The following MCTP1 variants were observed in gnomAD, a reference collection of about 807,000 sequenced individuals.
MCTP1 encodes multiple C2 and transmembrane domain containing 1.
Under a neutral mutation model 120.6 loss-of-function variants are expected in MCTP1, and 69 were observed. That is an observed-to-expected ratio of 0.57 (90% CI 0.47 to 0.70). The LOEUF is 0.70. Ranked by LOEUF, MCTP1 falls within the 30% of genes least tolerant of loss-of-function variation. MCTP1 has a pLI of 0.00. For missense variants in MCTP1, 1,203 were observed against 1,248.8 expected, an observed-to-expected ratio of 0.96 and a Z score of 0.55; for synonymous variants, 529 against 493.1, an observed-to-expected ratio of 1.07 and a Z score of -0.96.
chr5:95,135,300 A>T (rs1759370131), intron 1 of MCTP1, among the ~76,000 whole-genome samples: 1 of 152,228 alleles, frequency 6.6e-6, no homozygotes, highest in African/African-American at 2.4e-5. Context: ...AATATACACT[A>T]TGGTGGTGAA....
intron 10 of MCTP1, among the ~76,000 whole-genome samples, chr5:94,906,055 T>C (rs1806811827): frequency 6.6e-6 from 1 of 152,190 alleles, no homozygotes; most frequent in Admixed American, 6.5e-5. Flanking sequence ...AATCCAGTAC[T>C]GCTGCTGGGT....
intron 1 of MCTP1, among the ~76,000 whole-genome samples, chr5:95,111,198 A>G (rs994295806): frequency 6.6e-6 from 1 of 152,198 alleles, no homozygotes; most frequent in African/African-American, 2.4e-5. Context: ...TCTTTAAATG[A>G]TGAGTTAAAT....
intron 1 of MCTP1, among the ~76,000 whole-genome samples, chr5:95,109,879 G>T (rs1000690842): frequency 9.9e-5 from 15 of 151,910 alleles, no homozygotes; most frequent in Non-Finnish European, 2.9e-5. Flanking sequence ...TTTCCTTTTA[G>T]AAGGGATATG....
chr5:95,257,792 A>AACACACACAC, intron 1 of MCTP1, among the ~76,000 whole-genome samples: 1 of 143,882 alleles, frequency 7.0e-6, no homozygotes, highest in African/African-American at 2.6e-5. Flanking sequence ...TGCTCCAGAA[A>AACACACACAC]ACATACACAC....
At chr5:95,061,592 C>T (rs1463074162) in intron 1 of MCTP1, among the ~76,000 whole-genome samples, 19 of 150,838 alleles carry the variant, frequency 1.3e-4, no homozygotes, top group African/African-American at 4.6e-4. Flanking sequence ...CCCGCCACTA[C>T]GCCCGGCTAA....
chr5:94,902,284 G>A (rs1051250359), intron 10 of MCTP1, among the ~76,000 whole-genome samples: 18 of 152,212 alleles, frequency 1.2e-4, no homozygotes, highest in African/African-American at 3.1e-4. Flanking sequence ...TGTCAGCCAC[G>A]ATATAGCTCA....
At chr5:95,172,924 T>A (rs2152500220) in intron 1 of MCTP1, among the ~76,000 whole-genome samples, 1 of 152,326 alleles carries the variant, frequency 6.6e-6, no homozygotes. Flanking sequence ...ATTCATTGAA[T>A]AGGAACATAG....
chr5:94,762,033 C>T (rs1771474425), intron 19 of MCTP1, among the ~76,000 whole-genome samples: 1 of 152,218 alleles, frequency 6.6e-6, no homozygotes, highest in Admixed American at 6.5e-5. Flanking sequence ...AGGCATCTGA[C>T]TAGAACCATA....
intron 6 of MCTP1, chr5:94,929,661 G>A: frequency 1.0e-6 from 1 of 985,124 alleles, no homozygotes; most frequent in Non-Finnish European, 1.2e-6. Flanking sequence ...ATTTACCGGA[G>A]GAAAAGATTC....
At chr5:94,946,726 G>A (rs555249965) in intron 3 of MCTP1, among the ~76,000 whole-genome samples, 1 of 152,200 alleles carries the variant, frequency 6.6e-6, no homozygotes, top group East Asian at 1.9e-4. Flanking sequence ...CTTGCCAAAG[G>A]TTCTGCACCT....
chr5:94,826,024 G>A, intron 17 of MCTP1: 1 of 317,242 alleles, frequency 3.2e-6, no homozygotes, highest in Non-Finnish European at 6.0e-6. Flanking sequence ...CTACAAAATG[G>A]GTGCTCTGTT....
chr5:94,954,183 CATATATATAT>C (rs67189314), intron 2 of MCTP1, among the ~76,000 whole-genome samples: 1 of 57,816 alleles, frequency 1.7e-5, no homozygotes, highest in Non-Finnish European at 3.2e-5. Context: ...TATATATATG[CATATATATAT>C]ATATATATAT....
chr5:94,795,760 G>A (rs771582150), intron 18 of MCTP1, among the ~76,000 whole-genome samples: 1 of 152,178 alleles, frequency 6.6e-6, no homozygotes, highest in Non-Finnish European at 1.5e-5. Context: ...AAACAGCAGA[G>A]GTGAAATACC....
chr5:95,061,408 G>GTTTTTTTTTTTTTTTTTTTT (rs556663513), intron 1 of MCTP1, among the ~76,000 whole-genome samples: 3 of 33,490 alleles, frequency 9.0e-5, no homozygotes, highest in African/African-American at 2.9e-4. Flanking sequence ...CCCCTTAAGG[G>GTTTTTTTTTTTTTTTTTTTT]TTTTTTTTTT....
At chr5:94,844,317 AAAAAG>A (rs1173816958) in intron 17 of MCTP1, among the ~76,000 whole-genome samples, 3 of 150,908 alleles carry the variant, frequency 2.0e-5, no homozygotes, top group African/African-American at 7.3e-5. Context: ...AAAAAAAAAA[AAAAAG>A]AAAAGAAAAA....
chr5:95,260,298 G>A (rs1037910640), intron 1 of MCTP1, among the ~76,000 whole-genome samples: 3 of 152,166 alleles, frequency 2.0e-5, no homozygotes, highest in Non-Finnish European at 4.4e-5. Context: ...CTGATTCGGA[G>A]AAATCTCTAT....
chr5:94,966,806 A>AC (rs1008894487), intron 2 of MCTP1, among the ~76,000 whole-genome samples: 1 of 151,884 alleles, frequency 6.6e-6, no homozygotes, highest in African/African-American at 2.4e-5. Context: ...AAAAAAAAAA[A>AC]ACAACAAAAC....
At chr5:94,745,105 G>A (rs1246671630) in intron 19 of MCTP1, among the ~76,000 whole-genome samples, 1 of 152,182 alleles carries the variant, frequency 6.6e-6, no homozygotes, top group African/African-American at 2.4e-5. Context: ...CACTTCTCAT[G>A]ACCATAGTTT....
chr5:94,852,709 G>A (rs1245760806), intron 17 of MCTP1, among the ~76,000 whole-genome samples: 1 of 151,838 alleles, frequency 6.6e-6, no homozygotes, highest in Non-Finnish European at 1.5e-5. Context: ...TTTTTAAAAT[G>A]TATCTATTTT....
Sources: gnomAD v4.1 joint callset for allele counts (sites outside exome capture counted in the v4.1 genomes callset) on GRCh38, gnomAD v4.1.1 for gene constraint, MANE v1.5 for transcripts, NCBI Gene and HGNC (gene_info 2026-07-23, HGNC 2026-07-21) for gene names.